The following PIEZO2 variants were observed in gnomAD, a reference collection of about 807,000 sequenced individuals.
The protein encoded by PIEZO2 is piezo-type mechanosensitive ion channel component 2.
A neutral mutation model predicts 337.3 loss-of-function variants in PIEZO2; 172 were observed. The ratio of observed to expected loss-of-function variants is 0.51; its 90% confidence interval spans 0.45 to 0.58. The LOEUF (loss-of-function observed/expected upper bound fraction) is 0.58, where lower values mean the gene tolerates loss of function less well. PIEZO2 is among the 20% of genes least tolerant of loss of function. The probability of loss-of-function intolerance (pLI) is 0.00; values close to 1 mark genes in which losing one functional copy is unlikely to be tolerated. For synonymous variants in PIEZO2, 1,251 were observed against 1,228.5 expected (o/e 1.02, Z -0.38); for missense variants, 3,028 against 3,391.3 (o/e 0.89, Z 2.66).
chr18:10,763,123 G>C, intron 21 of PIEZO2, 25 bp from the exon 22 acceptor site: 1 of 1,532,138 alleles, frequency 6.5e-7, no homozygotes, highest in Non-Finnish European at 8.7e-7. Flanking sequence ...CCAGAAATGG[G>C]GACAAAAATA....
chr18:10,697,537 GT>G (rs1436657899), intron 45 of PIEZO2, among the ~76,000 whole-genome samples: 2 of 152,208 alleles, frequency 1.3e-5, no homozygotes, highest in Non-Finnish European at 2.9e-5. Context: ...GAAAAAGCAT[GT>G]GCATAAATGC....
In PIEZO2 at chr18:11,127,167, G is replaced by T. The variant is rs754172014; in HGVS notation, c.64+21358C>A. Reference sequence around the variant, plus strand: ...ATAATGACAGAAGTGTGTTGTGACGGTGAGTGACCAGGATCAGGTGTTTGA... The same window carrying T: ...ATAATGACAGAAGTGTGTTGTGACGTTGAGTGACCAGGATCAGGTGTTTGA... On this transcript the variant is annotated intron_variant, in intron 1 of 55. Transcript: ENST00000674853. The surrounding 1 kb of genome is among the most constrained non-coding windows in gnomAD (Gnocchi z 4.5). 6.6e-6 allele frequency among the ~76,000 whole-genome samples: 1 copy of T among 152,180 alleles called. No homozygotes were observed. Among genetic ancestry groups the T allele is most frequent in the African/African-American group, 2.4e-5 (1 of 41,428 alleles).
At chr18:10,776,062 G>C (rs2144028865) in intron 18 of PIEZO2, among the ~76,000 whole-genome samples, 1 of 152,324 alleles carries the variant, frequency 6.6e-6, no homozygotes, top group South Asian at 2.1e-4. Flanking sequence ...TTAAATGCAT[G>C]AATAAAGTAT....
intron 13 of PIEZO2, among the ~76,000 whole-genome samples, chr18:10,793,120 G>A (rs575490458): frequency 3.3e-5 from 5 of 152,256 alleles, no homozygotes; most frequent in Admixed American, 2.0e-4. Context: ...TTAGCTGGGC[G>A]TGGTAGTGGG....
intron 3 of PIEZO2, among the ~76,000 whole-genome samples, chr18:10,963,267 T>C (rs981699265): frequency 5.9e-5 from 9 of 151,512 alleles, no homozygotes; most frequent in South Asian, 2.1e-4. Flanking sequence ...CCAGAGGACA[T>C]GGTGAGATGT....
In PIEZO2 at chr18:11,069,116, C is replaced by G. The variant is rs528317442; in HGVS notation, c.65-2894G>C. On this transcript the variant is annotated intron_variant, in intron 1 of 55. Transcript: ENST00000674853. The surrounding 1 kb of genome is among the most constrained non-coding windows in gnomAD (Gnocchi z 4.9). ...CCAAACATTTAAGGAGAAATAATAT[C>G]AATTCTTCTCAAATTCTTCCAAGAA... is the stretch of plus-strand genomic sequence containing the variant. 2.6e-5 allele frequency among the ~76,000 whole-genome samples: 4 copies of G among 152,220 alleles called. No individual in the cohort carries two copies. The South Asian group carries it at 8.3e-4, about 32-fold the overall frequency.
intron 28 of PIEZO2, among the ~76,000 whole-genome samples, chr18:10,751,433 T>G (rs2037640347): frequency 6.6e-6 from 1 of 152,214 alleles, no homozygotes; most frequent in Non-Finnish European, 1.5e-5. Context: ...CTCTCAATGC[T>G]ACTCCAAATG....
intron 2 of PIEZO2, among the ~76,000 whole-genome samples, chr18:11,052,168 G>T (rs1049016139): frequency 6.6e-6 from 1 of 152,032 alleles, no homozygotes; most frequent in Non-Finnish European, 1.5e-5. Flanking sequence ...AGTGTATAGA[G>T]GGTACTTAGA....
chr18:10,842,267 G>C (rs575986394), intron 7 of PIEZO2, among the ~76,000 whole-genome samples: 1 of 151,764 alleles, frequency 6.6e-6, no homozygotes, highest in African/African-American at 2.4e-5. Flanking sequence ...ATACATGAAT[G>C]TACATTTATC....
chr18:10,825,115 C>T (rs1349737953), intron 7 of PIEZO2, among the ~76,000 whole-genome samples: 3 of 152,146 alleles, frequency 2.0e-5, no homozygotes, highest in African/African-American at 4.8e-5. Flanking sequence ...CCACTCGCCT[C>T]GGCCTCCCAA....
At chr18:10,798,796 T>C (rs542750669) in intron 11 of PIEZO2, among the ~76,000 whole-genome samples, 2 of 152,346 alleles carry the variant, frequency 1.3e-5, no homozygotes, top group African/African-American at 4.8e-5. Flanking sequence ...GGGCCCTGTG[T>C]GTTTGCTTCT....
At chr18:10,703,495 C>T (rs1313414605) in intron 42 of PIEZO2, among the ~76,000 whole-genome samples, 1 of 152,184 alleles carries the variant, frequency 6.6e-6, no homozygotes, top group Admixed American at 6.5e-5. Flanking sequence ...TACTGAATTA[C>T]TTACAACCTA....
chr18:10,875,558 C>G (rs762354069), intron 4 of PIEZO2, among the ~76,000 whole-genome samples: 2 of 151,938 alleles, frequency 1.3e-5, no homozygotes, highest in Non-Finnish European at 2.9e-5. Context: ...TTTTGGCAAT[C>G]GATTATTATA....
chr18:10,840,855 A>G (rs923646504), intron 7 of PIEZO2, among the ~76,000 whole-genome samples: 1 of 152,208 alleles, frequency 6.6e-6, no homozygotes, highest in African/African-American at 2.4e-5. Flanking sequence ...GAAAACATGC[A>G]TTCCTCTTGC....
intron 3 of PIEZO2, among the ~76,000 whole-genome samples, chr18:10,930,652 T>C (rs1393748957): frequency 1.3e-5 from 2 of 152,244 alleles, no homozygotes; most frequent in African/African-American, 4.8e-5. Context: ...CAGATACTTT[T>C]TGGTTTACAA....
chr18:10,922,064 G>C (rs931929261), intron 3 of PIEZO2, among the ~76,000 whole-genome samples: 1 of 151,998 alleles, frequency 6.6e-6, no homozygotes, highest in Admixed American at 6.6e-5. Flanking sequence ...CTGTGATCTC[G>C]CCCTGCCTCC....
chr18:11,141,515 C>T (rs567618707), intron 1 of PIEZO2, among the ~76,000 whole-genome samples: 9 of 152,290 alleles, frequency 5.9e-5, no homozygotes, highest in East Asian at 5.8e-4. Flanking sequence ...TGTAGAGCCA[C>T]GCAACACGTA....
At chr18:11,005,462 T>C (rs1158906930) in intron 2 of PIEZO2, among the ~76,000 whole-genome samples, 1 of 152,234 alleles carries the variant, frequency 6.6e-6, no homozygotes, top group Non-Finnish European at 1.5e-5. Flanking sequence ...AAGGACTTAC[T>C]GCCTCTAGTT....
At chr18:10,921,806 T>A (rs954986716) in intron 3 of PIEZO2, among the ~76,000 whole-genome samples, 29 of 152,260 alleles carry the variant, frequency 1.9e-4, no homozygotes, top group African/African-American at 6.5e-4. Context: ...AAGAGAATAC[T>A]CGCCTGAGGG....
Sources: allele counts gnomAD v4.1 joint callset (sites outside exome capture counted in the v4.1 genomes callset), GRCh38; gene constraint gnomAD v4.1.1; non-coding constraint Gnocchi (gnomAD v3.1); transcripts MANE v1.5; gene names NCBI Gene and HGNC (gene_info 2026-07-23, HGNC 2026-07-21).